TRPM7: variants seen among roughly 807,000 people sequenced by gnomAD.
TRPM7 encodes transient receptor potential cation channel subfamily M member 7.
TRPM7 carries 134 observed loss-of-function variants against 229.7 expected under a neutral mutation model. The observed-to-expected ratio is 0.58, with a 90% CI of 0.51 to 0.67. The LOEUF is 0.67. Among genes scored for constraint, TRPM7 ranks in the 30% least tolerant of loss-of-function variants. The probability of loss-of-function intolerance (pLI) is 0.00; values close to 1 mark genes in which losing one functional copy is unlikely to be tolerated. For synonymous variants in TRPM7, 699 were observed against 715.2 expected, an observed-to-expected ratio of 0.98 and a Z score of 0.36; for missense variants, 1,901 against 2,210.0, an observed-to-expected ratio of 0.86 and a Z score of 2.80.
intron 20 of TRPM7, among the ~76,000 whole-genome samples, chr15:50,605,903 T>C (rs1319914884): frequency 1.3e-5 from 2 of 152,010 alleles, no homozygotes; most frequent in Admixed American, 6.6e-5. Context: ...AAATAAGCTA[T>C]CTAATAAGAA....
At chr15:50,680,987 T>G (rs1404034990) in intron 1 of TRPM7, among the ~76,000 whole-genome samples, 1 of 152,088 alleles carries the variant, frequency 6.6e-6, no homozygotes, top group African/African-American at 2.4e-5. Context: ...GCGAGGTGGC[T>G]CATGCCTGTA....
In TRPM7 at chr15:50,593,711, C is replaced by T. The variant is rs1261764245; in HGVS notation, c.3514G>A (p.Asp1172Asn). The T allele has an allele frequency of 2.5e-6, 4 of 1,610,504 alleles. No individual in the cohort carries two copies. The South Asian group carries it at 4.4e-5, about 18-fold the overall frequency. The change falls in exon 25 of 39, where the codon GAT becomes AAT. Residue 1172 changes from aspartate (D) to asparagine (N), a missense_variant. By Grantham distance (23) the Asp-to-Asn change is conservative (BLOSUM62 1). Transcript: ENST00000646667. ...ATTTCAACACACTGCTCTTCAAAAT[C>T]ATGAAGTTTCTTTTGATCTTCTTCT... Reference protein sequence around the residue: ...LTEEDQKKLHDFEEQCVEMYF... With the variant: ...LTEEDQKKLHNFEEQCVEMYF...
intron 38 of TRPM7, among the ~76,000 whole-genome samples, chr15:50,565,263 T>G (rs1986073): frequency 0.15 from 22,172 of 152,052 alleles, 2,182 homozygotes; most frequent in Admixed American, 0.28. Flanking sequence ...ATTACAGGGG[T>G]ACCGTGCTGG....
intron 1 of TRPM7, among the ~76,000 whole-genome samples, chr15:50,666,077 G>C (rs1161385265): frequency 1.3e-5 from 2 of 151,860 alleles, no homozygotes; most frequent in African/African-American, 4.8e-5. Flanking sequence ...TAAAGTCAAA[G>C]GAAAGAAATA....
intron 19 of TRPM7, 90 bp from the exon 20 acceptor site, chr15:50,607,418 C>CGTT: frequency 8.8e-7 from 1 of 1,137,408 alleles, no homozygotes; most frequent in Non-Finnish European, 1.2e-6. Context: ...CAAAAACAGA[C>CGTT]ATTAAATGAA....
intron 19 of TRPM7, among the ~76,000 whole-genome samples, 169 bp downstream of exon 19, chr15:50,609,412 T>C (rs58899101): frequency 0.02 from 3,112 of 152,262 alleles, 124 homozygotes; most frequent in African/African-American, 0.072. Context: ...TGTTTATCAC[T>C]CTAGATGATG....
chr15:50,607,769 C>T (rs569505391), intron 19 of TRPM7, among the ~76,000 whole-genome samples: 111 of 151,648 alleles, frequency 7.3e-4, no homozygotes, highest in African/African-American at 2.6e-3. Context: ...AACTGGGGCA[C>T]GCCGCGGTGG....
intron 24 of TRPM7, among the ~76,000 whole-genome samples, chr15:50,594,169 A>T (rs1261652019): frequency 6.6e-6 from 1 of 152,244 alleles, no homozygotes; most frequent in Non-Finnish European, 1.5e-5. Flanking sequence ...AATGGTTTGT[A>T]GAACAACAAA....
intron 20 of TRPM7, among the ~76,000 whole-genome samples, chr15:50,606,581 C>T (rs1329632066): frequency 6.6e-6 from 1 of 152,056 alleles, no homozygotes; most frequent in African/African-American, 2.4e-5. Context: ...TCACTGCAAC[C>T]TCTGCCTCCT....
rs1567129022 is a variant in TRPM7, at chr15:50,679,480, A to ATATATATTATATATATGTG, written c.3+7050_3+7051insCACATATATATAATATATA. Among the ~76,000 whole-genome samples the ATATATATTATATATATGTG allele has an allele frequency of 3.7e-4, 52 of 140,250 alleles. 3 individuals are homozygous for ATATATATTATATATATGTG. The highest frequency in any genetic ancestry group is 1.5e-3 in the South Asian group (7 of 4,596). 92.0% of individuals were successfully genotyped at this position (140,250 alleles called of 152,430 possible). ...TCTACAGGTTTTATTTCATTTATAT[A>ATATATATTATATATATGTG]TATATATATTATATATATGTGTATA... On this transcript the variant is annotated intron_variant, in intron 1 of 38. Coordinates refer to ENST00000646667, the MANE Select transcript of TRPM7 (RefSeq NM_017672.6).
intron 1 of TRPM7, among the ~76,000 whole-genome samples, chr15:50,685,746 T>C (rs1290579834): frequency 6.6e-6 from 1 of 152,084 alleles, no homozygotes; most frequent in African/African-American, 2.4e-5. Context: ...TATCCAAAAA[T>C]AAAAAGCTCT....
In TRPM7 at chr15:50,561,534, T is replaced by C. The variant is rs551707731; in HGVS notation, c.*144A>G. 7.3e-6 allele frequency: 6 copies of C among 826,012 alleles called. No individual in the cohort carries two copies. Among genetic ancestry groups the C allele is most frequent in the African/African-American group, 1.8e-5 (1 of 56,756 alleles). The allele number at this position is 826,012 out of a possible 1,614,324, so 51.2% of individuals were successfully genotyped here. A position where few individuals can be genotyped will look rare whatever the true frequency, so the allele number is the denominator to read the frequency against. On this transcript the variant is annotated 3_prime_UTR_variant, in exon 39 of 39. Coordinates refer to ENST00000646667, the MANE Select transcript of TRPM7 (RefSeq NM_017672.6). ...ACTGATTAATCAGGTCAAAAGAATA[T>C]TGACCTTTTAACTGTGCTGGAGTCA...
At chr15:50,667,846 T>C (rs965712717) in intron 1 of TRPM7, among the ~76,000 whole-genome samples, 1 of 152,224 alleles carries the variant, frequency 6.6e-6, no homozygotes, top group Non-Finnish European at 1.5e-5. Flanking sequence ...GACATAAAAA[T>C]CATACAGGAA....
chr15:50,581,061 T>G (rs574523781), intron 29 of TRPM7, among the ~76,000 whole-genome samples, 153 bp from the exon 30 acceptor site: 1 of 152,296 alleles, frequency 6.6e-6, no homozygotes, highest in South Asian at 2.1e-4. Flanking sequence ...TAAATTTATT[T>G]ATTATAACTG....
chr15:50,638,537 G>GAAACTCCATTTCAAAAA (rs1350189329), intron 6 of TRPM7, among the ~76,000 whole-genome samples: 121 of 150,232 alleles, frequency 8.1e-4, no homozygotes, highest in Non-Finnish European at 1.6e-3. Flanking sequence ...CGACAAGAGT[G>GAAACTCCATTTCAAAAA]AAACTCCATT....
At chr15:50,568,149 A>G (rs1216333502) in intron 38 of TRPM7, among the ~76,000 whole-genome samples, 2 of 147,268 alleles carry the variant, frequency 1.4e-5, no homozygotes, top group African/African-American at 5.0e-5. Context: ...GTAGAAGGAA[A>G]TTTCTTCAGC....
chr15:50,570,002 T>A lies in TRPM7; in HGVS notation c.5361-9A>T. The A allele has an allele frequency of 6.3e-7, 1 of 1,598,678 alleles. No homozygotes were observed. The highest frequency in any genetic ancestry group is 8.5e-7 in the Non-Finnish European group (1 of 1,173,734). ...AAACCATATCACAGGATCTGTAGAA[T>A]TGGTAATTTTAAAAAAAACAACAAA... On this transcript the variant is annotated splice_polypyrimidine_tract_variant and intron_variant, in intron 37 of 38. Transcript: ENST00000646667.
intron 21 of TRPM7, 29 bp downstream of exon 21, chr15:50,604,837 C>A (rs750831967): frequency 6.6e-7 from 1 of 1,523,552 alleles, no homozygotes; most frequent in Middle Eastern, 1.8e-4. Context: ...AATAAACCCA[C>A]GAGTATTATC....
intron 12 of TRPM7, among the ~76,000 whole-genome samples, chr15:50,623,290 T>C (rs777462012): frequency 4.6e-5 from 7 of 151,818 alleles, no homozygotes; most frequent in Non-Finnish European, 7.4e-5. Context: ...CACACGCCTG[T>C]AGTCCCAGCT....
Sources: allele counts gnomAD v4.1 joint callset (sites outside exome capture counted in the v4.1 genomes callset), GRCh38; gene constraint gnomAD v4.1.1; transcripts MANE v1.5; gene names NCBI Gene and HGNC (gene_info 2026-07-23, HGNC 2026-07-21).